The following CBLB variants were observed in gnomAD, a reference collection of about 807,000 sequenced individuals.
The protein encoded by CBLB is E3 ubiquitin-protein ligase CBL-B.
Under a neutral mutation model 104.9 loss-of-function variants are expected in CBLB, and 31 were observed. The observed-to-expected ratio is 0.30, with a 90% confidence interval of 0.22 to 0.40. CBLB has a LOEUF of 0.40. Among genes scored for constraint, CBLB ranks in the 10% least tolerant of loss-of-function variants. The probability of loss-of-function intolerance (pLI) is 1.00; values close to 1 mark genes in which losing one functional copy is unlikely to be tolerated. For missense variants in CBLB, 1,062 were observed against 1,214.6 expected, an observed-to-expected ratio of 0.87 and a Z score of 1.87; for synonymous variants, 440 against 422.6, an observed-to-expected ratio of 1.04 and a Z score of -0.51.
At chr3:105,786,069 G>GGGT (rs1476658249) in intron 3 of CBLB, among the ~76,000 whole-genome samples, 1 of 146,684 alleles carries the variant, frequency 6.8e-6, no homozygotes, top group South Asian at 2.2e-4. Context: ...ATCGGGGGGG[G>GGGT]GAAAGTGGGT....
At chr3:105,708,204 GA>G (rs2070494232) in intron 10 of CBLB, among the ~76,000 whole-genome samples, 1 of 152,020 alleles carries the variant, frequency 6.6e-6, no homozygotes. Flanking sequence ...TTCTACATGT[GA>G]TAGGTGATAA....
chr3:105,694,732 C>A (rs573590540), intron 12 of CBLB, among the ~76,000 whole-genome samples: 1 of 151,972 alleles, frequency 6.6e-6, no homozygotes, highest in East Asian at 1.9e-4. Flanking sequence ...TAAAGTTTCA[C>A]TAGAGACTGG....
At chr3:105,755,967 T>G (rs2077045709) in intron 4 of CBLB, among the ~76,000 whole-genome samples, 1 of 152,230 alleles carries the variant, frequency 6.6e-6, no homozygotes, top group Non-Finnish European at 1.5e-5. Context: ...TTTTAAAATT[T>G]TGTCCTTTAT....
intron 6 of CBLB, among the ~76,000 whole-genome samples, chr3:105,741,562 AT>A (rs2075587865): frequency 6.6e-6 from 1 of 152,014 alleles, no homozygotes; most frequent in South Asian, 2.1e-4. Flanking sequence ...CACCCAGCTA[AT>A]TTTTTTGTAT....
chr3:105,856,348 C>CA (rs1169479720), intron 2 of CBLB, among the ~76,000 whole-genome samples: 580 of 30,218 alleles, frequency 0.019, 4 homozygotes, highest in East Asian at 0.029. Flanking sequence ...GACTCCATCT[C>CA]AAAAAAAAAA....
chr3:105,747,831 AAACTT>A (rs1249053618), intron 5 of CBLB, among the ~76,000 whole-genome samples: 3 of 152,180 alleles, frequency 2.0e-5, no homozygotes, highest in Non-Finnish European at 2.9e-5. Context: ...AAAAAATGCT[AAACTT>A]TATAGAGCAC....
intron 4 of CBLB, among the ~76,000 whole-genome samples, chr3:105,758,696 C>T (rs536552843): frequency 2.4e-4 from 36 of 152,340 alleles, no homozygotes; most frequent in Non-Finnish European, 4.3e-4. Context: ...TGTAGCAGGG[C>T]GGGCAGCTCC....
chr3:105,693,837 T>G (rs953757310), intron 12 of CBLB, among the ~76,000 whole-genome samples: 3 of 151,952 alleles, frequency 2.0e-5, no homozygotes, highest in African/African-American at 7.2e-5. Flanking sequence ...AATACTATAA[T>G]TTATATACAC....
chr3:105,803,254 A>G (rs2083111863), intron 3 of CBLB, among the ~76,000 whole-genome samples: 1 of 152,198 alleles, frequency 6.6e-6, no homozygotes, highest in Non-Finnish European at 1.5e-5. Context: ...TGGAACTTCT[A>G]CTTATTTCTT....
At chr3:105,698,189 G>A (rs1343567863) in intron 12 of CBLB, among the ~76,000 whole-genome samples, 4 of 152,046 alleles carry the variant, frequency 2.6e-5, no homozygotes, top group Non-Finnish European at 4.4e-5. Flanking sequence ...AGTAAAGGGA[G>A]TAAATGAATA....
intron 16 of CBLB, among the ~76,000 whole-genome samples, chr3:105,679,336 T>TA (rs33959963): frequency 9.1e-5 from 6 of 65,654 alleles, no homozygotes; most frequent in East Asian, 9.5e-4. Context: ...CTTGAGTCTT[T>TA]AAAAAAAAAA....
chr3:105,855,100 T>C (rs1370556442), intron 2 of CBLB, among the ~76,000 whole-genome samples: 1 of 152,158 alleles, frequency 6.6e-6, no homozygotes, highest in Admixed American at 6.5e-5. Flanking sequence ...TGTAAAATGG[T>C]TTAATTACTG....
At chr3:105,861,718 C>A (rs897598902) in intron 2 of CBLB, among the ~76,000 whole-genome samples, 2 of 151,390 alleles carry the variant, frequency 1.3e-5, no homozygotes, top group Non-Finnish European at 3.0e-5. Flanking sequence ...TACATACACA[C>A]ACACACACAC....
chr3:105,729,184 ATAAT>A (rs1406719636), intron 9 of CBLB, among the ~76,000 whole-genome samples: 1 of 152,152 alleles, frequency 6.6e-6, no homozygotes. Flanking sequence ...TCTAGCAGCC[ATAAT>A]TAAATTTGAA....
intron 16 of CBLB, among the ~76,000 whole-genome samples, chr3:105,678,974 G>A (rs888200520): frequency 5.3e-5 from 8 of 152,242 alleles, no homozygotes; most frequent in African/African-American, 1.9e-4. Context: ...AGAGTTCACA[G>A]CCTTTAACTG....
At chr3:105,789,243 T>C (rs1450613438) in intron 3 of CBLB, among the ~76,000 whole-genome samples, 2 of 152,186 alleles carry the variant, frequency 1.3e-5, no homozygotes, top group Non-Finnish European at 2.9e-5. Flanking sequence ...TACTCAATTC[T>C]AGCACTTGAA....
intron 9 of CBLB, among the ~76,000 whole-genome samples, chr3:105,725,450 G>A (rs1023496003): frequency 6.6e-5 from 10 of 152,036 alleles, no homozygotes; most frequent in Admixed American, 3.3e-4. Context: ...TATCTGTTAC[G>A]GTCCACACAC....
At chr3:105,723,551 T>C (rs1456536656) in intron 9 of CBLB, among the ~76,000 whole-genome samples, 1 of 152,158 alleles carries the variant, frequency 6.6e-6, no homozygotes, top group Non-Finnish European at 1.5e-5. Flanking sequence ...TGTAAGTCAG[T>C]GACATTACTT....
chr3:105,755,177 C>G (rs560151253), intron 4 of CBLB, among the ~76,000 whole-genome samples: 32 of 152,248 alleles, frequency 2.1e-4, no homozygotes, highest in Admixed American at 1.5e-3. Context: ...ATCTCTCCCC[C>G]CTCCCCTGAC....
Sources: gnomAD v4.1 joint callset for allele counts (sites outside exome capture counted in the v4.1 genomes callset) on GRCh38, gnomAD v4.1.1 for gene constraint, MANE v1.5 for transcripts, NCBI Gene and HGNC (gene_info 2026-07-23, HGNC 2026-07-21) for gene names.